Variants in JAKMIP1 observed in about 807,000 individuals in gnomAD.
JAKMIP1 encodes janus kinase and microtubule-interacting protein 1.
In JAKMIP1, 33 loss-of-function variants were observed where a neutral mutation model predicts 113.0. That is an observed-to-expected ratio of 0.29 (90% CI 0.22 to 0.39). JAKMIP1 has a LOEUF of 0.39. Ranked by LOEUF, JAKMIP1 falls within the 10% of genes least tolerant of loss-of-function variation. The pLI is 1.00. For synonymous variants in JAKMIP1, 480 were observed against 459.9 expected (o/e 1.04, Z -0.56); for missense variants, 813 against 1,080.5 (o/e 0.75, Z 3.47).
chr4:6,030,635 G>A (rs1712511174), intron 19 of JAKMIP1, among the ~76,000 whole-genome samples: 1 of 152,232 alleles, frequency 6.6e-6, no homozygotes, highest in African/African-American at 2.4e-5. Context: ...CGGGCTGCTG[G>A]CCCTTGTCTG....
intron 2 of JAKMIP1, among the ~76,000 whole-genome samples, chr4:6,112,024 C>T (rs762486542): frequency 2.0e-4 from 31 of 152,162 alleles, no homozygotes; most frequent in Non-Finnish European, 3.5e-4. Flanking sequence ...TGATGGGAAG[C>T]GGGGAAGTGG....
intron 1 of JAKMIP1, among the ~76,000 whole-genome samples, chr4:6,161,368 G>A (rs1031217121): frequency 4.2e-5 from 6 of 143,662 alleles, no homozygotes; most frequent in African/African-American, 1.8e-4. Flanking sequence ...CCCACTTTTT[G>A]TGGTCCGACC....
At chr4:6,056,931 G>C (rs1716553271) in intron 11 of JAKMIP1, among the ~76,000 whole-genome samples, 172 bp from the exon 12 acceptor site, 1 of 152,040 alleles carries the variant, frequency 6.6e-6, no homozygotes, top group African/African-American at 2.4e-5. Context: ...CCCAAAAAGA[G>C]AAACGGCTGG....
At chr4:6,070,140 A>G (rs1205699618) in intron 8 of JAKMIP1, 2 of 398,734 alleles carry the variant, frequency 5.0e-6, no homozygotes, top group Non-Finnish European at 8.8e-6. Flanking sequence ...AGAGAAGTAC[A>G]GCACAAAGAG....
At chr4:6,164,816 G>A (rs75812602) in intron 1 of JAKMIP1, among the ~76,000 whole-genome samples, 1,596 of 152,352 alleles carry the variant, frequency 0.01, 46 homozygotes, top group Admixed American at 0.074. Context: ...AGTGGATTCC[G>A]AAGATGTGAG....
In JAKMIP1 at chr4:6,051,988, A is replaced by G. The variant is rs1259662498; in HGVS notation, c.1807-1309T>C. Among the ~76,000 whole-genome samples, 1 of 152,202 alleles carries G rather than the reference A, an allele frequency of 6.6e-6. No individual in the cohort carries two copies. Among genetic ancestry groups the G allele is most frequent in the Non-Finnish European group, 1.5e-5 (1 of 68,036 alleles). Reference sequence around the variant, plus strand: ...TGGGCCATTCTAGCAGAATCTAGCTACAGAACCAATGGGCTTCTTGAATAA... The same window carrying G: ...TGGGCCATTCTAGCAGAATCTAGCTGCAGAACCAATGGGCTTCTTGAATAA... On this transcript the variant is annotated intron_variant, in intron 13 of 20. Coordinates refer to ENST00000409021, the MANE Select transcript of JAKMIP1 (RefSeq NM_001099433.2). The surrounding 1 kb of genome is among the most constrained non-coding windows in gnomAD (Gnocchi z 5.0).
At chr4:6,166,414 A>G (rs978158634) in intron 1 of JAKMIP1, among the ~76,000 whole-genome samples, 4 of 152,082 alleles carry the variant, frequency 2.6e-5, no homozygotes, top group African/African-American at 9.7e-5. Context: ...CCGGAGGAGG[A>G]AGGTCAATAA....
At chr4:6,117,507 C>G (rs1045018383) in intron 1 of JAKMIP1, among the ~76,000 whole-genome samples, 2 of 149,872 alleles carry the variant, frequency 1.3e-5, no homozygotes, top group Non-Finnish European at 3.0e-5. Context: ...GATCACAGGA[C>G]CACAGGACCA....
intron 8 of JAKMIP1, among the ~76,000 whole-genome samples, chr4:6,068,558 CTTTTT>C (rs35726105): frequency 5.1e-5 from 7 of 136,308 alleles, no homozygotes; most frequent in African/African-American, 1.7e-4. Flanking sequence ...AATTTTTTAA[CTTTTT>C]TTTTTTTTTT....
chr4:6,083,178 A>C (rs6834453), intron 5 of JAKMIP1, among the ~76,000 whole-genome samples: 2 of 151,642 alleles, frequency 1.3e-5, no homozygotes, highest in African/African-American at 2.4e-5. Context: ...TGAGGCAGGC[A>C]GATCACTTGA....
Position 6,069,251 on chromosome 4 carries a change from C to T in JAKMIP1, c.1303-4243G>A, listed in dbSNP as rs1425011588. 6.6e-6 allele frequency among the ~76,000 whole-genome samples: 1 copy of T among 152,102 alleles called. No individual in the cohort carries two copies. The highest frequency in any genetic ancestry group is 6.5e-5 in the Admixed American group (1 of 15,276). On this transcript the variant is annotated intron_variant, in intron 8 of 20. Coordinates refer to ENST00000409021, the MANE Select transcript of JAKMIP1 (RefSeq NM_001099433.2). The surrounding 1 kb of genome is among the most constrained non-coding windows in gnomAD (Gnocchi z 4.5). ...AAAAAAATGGCAAACATGAAAGAAA[C>T]TTCATTTTTTTGTGTCTCCACTCTT...
Position 6,153,954 on chromosome 4 carries a change from AT to A in JAKMIP1, c.-147-40958del, listed in dbSNP as rs1041661857. 1.3e-5 allele frequency among the ~76,000 whole-genome samples: 2 copies of A among 152,150 alleles called. No homozygotes were observed. Among genetic ancestry groups the A allele is most frequent in the African/African-American group, 4.8e-5 (2 of 41,430 alleles). ...GCCCCTTTTGGCTGGGAAAGTCTGG[AT>A]CCTGCCTCTTACTTGTCACAGAGTC... On this transcript the variant is annotated intron_variant, in intron 1 of 20. Transcript: ENST00000409021. This position sits in a 1 kb window ranked among gnomAD's most constrained non-coding sequence, Gnocchi z 4.9.
At chr4:6,125,212 G>A (rs1270956969) in intron 1 of JAKMIP1, among the ~76,000 whole-genome samples, 1 of 152,104 alleles carries the variant, frequency 6.6e-6, no homozygotes, top group East Asian at 1.9e-4. Context: ...AGCTCTCTGA[G>A]GTGCCCTCAG....
At chr4:6,039,630 G>T (rs1578059222) in intron 18 of JAKMIP1, among the ~76,000 whole-genome samples, 1 of 152,130 alleles carries the variant, frequency 6.6e-6, no homozygotes, top group East Asian at 1.9e-4. Flanking sequence ...AACCAGAAAC[G>T]ATAGCCCAGA....
In JAKMIP1 at chr4:6,086,437, G is replaced by A. The variant is rs1233874389; in HGVS notation, c.625-808C>T. Among the ~76,000 whole-genome samples the A allele has an allele frequency of 2.6e-5, 4 of 151,896 alleles. No individual in the cohort carries two copies. Among genetic ancestry groups the A allele is most frequent in the African/African-American group, 9.7e-5 (4 of 41,338 alleles). ...CTGACACCTCTGCTTGGATCTCGGA[G>A]GGACCACAGCCTCTCCACGTACAAA... On this transcript the variant is annotated intron_variant, in intron 3 of 20. Coordinates refer to ENST00000409021, the MANE Select transcript of JAKMIP1 (RefSeq NM_001099433.2). The surrounding 1 kb of genome is among the most constrained non-coding windows in gnomAD (Gnocchi z 4.1).
intron 16 of JAKMIP1, among the ~76,000 whole-genome samples, chr4:6,045,139 C>T (rs941108166): frequency 3.3e-5 from 5 of 152,280 alleles, no homozygotes; most frequent in African/African-American, 9.6e-5. Context: ...CTTCGACTCA[C>T]GGCCAACTAT....
At chr4:6,173,838 G>C (rs144963269) in intron 1 of JAKMIP1, among the ~76,000 whole-genome samples, 3 of 152,220 alleles carry the variant, frequency 2.0e-5, no homozygotes, top group African/African-American at 7.2e-5. Flanking sequence ...CACTTCGGGA[G>C]GCCAAGGCGG....
intron 3 of JAKMIP1, among the ~76,000 whole-genome samples, chr4:6,092,829 C>T (rs1322294398): frequency 6.6e-6 from 1 of 152,214 alleles, no homozygotes; most frequent in African/African-American, 2.4e-5. Flanking sequence ...CTCGATTCTA[C>T]CTGTGATGCT....
In JAKMIP1 at chr4:6,051,469, A is replaced by G. The variant is rs1336648265; in HGVS notation, c.1807-790T>C. On this transcript the variant is annotated intron_variant, in intron 13 of 20. Coordinates refer to ENST00000409021, the MANE Select transcript of JAKMIP1 (RefSeq NM_001099433.2). The surrounding 1 kb of genome is among the most constrained non-coding windows in gnomAD (Gnocchi z 5.0). ...GCCAGGCTGGTCTTGAACTCCAGAG[A>G]CCTCAGGTGATCCACCCGCCTCGGC... is the stretch of plus-strand genomic sequence containing the variant. Among the ~76,000 whole-genome samples the G allele has an allele frequency of 6.6e-6, 1 of 151,776 alleles. No homozygotes were observed. Among genetic ancestry groups the G allele is most frequent in the East Asian group, 1.9e-4 (1 of 5,180 alleles).
Sources: gnomAD v4.1 joint callset for allele counts (sites outside exome capture counted in the v4.1 genomes callset) on GRCh38, gnomAD v4.1.1 for gene constraint, Gnocchi (gnomAD v3.1) non-coding constraint, MANE v1.5 for transcripts, NCBI Gene and HGNC (gene_info 2026-07-23, HGNC 2026-07-21) for gene names.